ATXN7: variants seen among roughly 807,000 people sequenced by gnomAD.
ATXN7 encodes ataxin-7.
A neutral mutation model predicts 70.5 loss-of-function variants in ATXN7; 12 were observed. The ratio of observed to expected loss-of-function variants is 0.17; its 90% CI spans 0.11 to 0.28. The LOEUF (loss-of-function observed/expected upper bound fraction) is 0.28, where lower values mean the gene tolerates loss of function less well. Among genes scored for constraint, ATXN7 ranks in the 10% least tolerant of loss-of-function variants. ATXN7 has a pLI of 1.00. For synonymous variants in ATXN7, 498 were observed against 448.7 expected, an observed-to-expected ratio of 1.11 and a Z score of -1.39; for missense variants, 1,256 against 1,131.7, an observed-to-expected ratio of 1.11 and a Z score of -1.58.
intron 5 of ATXN7, among the ~76,000 whole-genome samples, chr3:63,970,645 C>G (rs945559821): frequency 6.6e-6 from 1 of 152,100 alleles, no homozygotes; most frequent in African/African-American, 2.4e-5. Flanking sequence ...AAGAACAGTC[C>G]TTTTGGGAAG....
intron 5 of ATXN7, among the ~76,000 whole-genome samples, chr3:63,956,290 G>A (rs2075037087): frequency 6.6e-6 from 1 of 152,062 alleles, no homozygotes; most frequent in Non-Finnish European, 1.5e-5. Flanking sequence ...AATAAGCCAG[G>A]CGTGGTGGCG....
chr3:63,899,522 A>G (rs933599423), intron 2 of ATXN7, among the ~76,000 whole-genome samples: 2 of 150,970 alleles, frequency 1.3e-5, no homozygotes, highest in African/African-American at 2.4e-5. Flanking sequence ...CTGTAATCCC[A>G]GTACTTTGGG....
At chr3:63,913,312 A>T in intron 4 of ATXN7, 87 bp downstream of exon 4, 2 of 1,346,008 alleles carry the variant, frequency 1.5e-6, no homozygotes, top group Non-Finnish European at 1.0e-6. Flanking sequence ...TCAGCCCACC[A>T]TACCGACTCC....
At chr3:63,931,927 A>G (rs1178918335) in intron 4 of ATXN7, among the ~76,000 whole-genome samples, 1 of 152,212 alleles carries the variant, frequency 6.6e-6, no homozygotes, top group Non-Finnish European at 1.5e-5. Context: ...AGGGATTCTC[A>G]AACTGGGGTT....
intron 4 of ATXN7, among the ~76,000 whole-genome samples, chr3:63,930,532 AT>A (rs60958975): frequency 0.38 from 54,530 of 143,926 alleles, 11,308 homozygotes; most frequent in African/African-American, 0.6. Context: ...AGAGTTTACA[AT>A]TTTTTTTTTT....
chr3:63,928,853 G>A (rs1241058102), intron 4 of ATXN7, among the ~76,000 whole-genome samples: 1 of 152,194 alleles, frequency 6.6e-6, no homozygotes, highest in East Asian at 1.9e-4. Context: ...ACTCCAGAGA[G>A]CAGTTTAAAA....
intron 11 of ATXN7, among the ~76,000 whole-genome samples, chr3:63,994,527 G>A (rs1264191049): frequency 6.6e-6 from 1 of 152,202 alleles, no homozygotes; most frequent in South Asian, 2.1e-4. Context: ...GAGCCACTGC[G>A]CCTGGCCGAA....
intron 1 of ATXN7, among the ~76,000 whole-genome samples, chr3:63,883,498 C>T (rs1042945954): frequency 5.9e-5 from 9 of 151,890 alleles, no homozygotes; most frequent in African/African-American, 2.2e-4. Flanking sequence ...CAAGAAGCTC[C>T]AGGCTCTGTG....
chr3:63,892,271 G>C (rs1703291233), intron 1 of ATXN7, among the ~76,000 whole-genome samples: 1 of 151,914 alleles, frequency 6.6e-6, no homozygotes, highest in Admixed American at 6.6e-5. Flanking sequence ...GTAACCCCAG[G>C]CCAGTCATAG....
intron 4 of ATXN7, among the ~76,000 whole-genome samples, chr3:63,940,086 T>C (rs781540771): frequency 7.2e-5 from 11 of 152,200 alleles, no homozygotes; most frequent in South Asian, 2.1e-4. Flanking sequence ...GAGATGTCAG[T>C]TGGGGGCTTC....
intron 5 of ATXN7, among the ~76,000 whole-genome samples, chr3:63,963,130 G>C (rs2075160003): frequency 6.6e-6 from 1 of 151,872 alleles, no homozygotes; most frequent in Non-Finnish European, 1.5e-5. Flanking sequence ...TGCCCAGGCT[G>C]GTCTCAAACT....
At chr3:63,870,102 A>T (rs148806622) in intron 1 of ATXN7, among the ~76,000 whole-genome samples, 34 of 152,344 alleles carry the variant, frequency 2.2e-4, no homozygotes, top group African/African-American at 8.2e-4. Context: ...CCAGGTCTCT[A>T]CACCTACTCA....
At chr3:63,997,950 T>A in intron 12 of ATXN7, 1 of 985,388 alleles carries the variant, frequency 1.0e-6, no homozygotes, top group South Asian at 4.7e-5. Context: ...CCTGGACAAA[T>A]GAGAAGTGTG....
intron 4 of ATXN7, among the ~76,000 whole-genome samples, chr3:63,915,212 G>A (rs975243907): frequency 6.6e-6 from 1 of 152,158 alleles, no homozygotes; most frequent in African/African-American, 2.4e-5. Flanking sequence ...TGGGATTACA[G>A]GTGTGAGCCA....
chr3:63,977,005 G>T (rs1271313616), intron 5 of ATXN7, among the ~76,000 whole-genome samples: 1 of 152,222 alleles, frequency 6.6e-6, no homozygotes, highest in Non-Finnish European at 1.5e-5. Flanking sequence ...GTGAAGTCAT[G>T]GAAGGAGGTT....
intron 4 of ATXN7, among the ~76,000 whole-genome samples, chr3:63,949,798 A>G (rs1413562401): frequency 1.3e-5 from 2 of 152,156 alleles, no homozygotes; most frequent in Non-Finnish European, 2.9e-5. Flanking sequence ...AGAGAGATTC[A>G]GTGTGCTCAT....
At chr3:63,934,298 A>G (rs1180216077) in intron 4 of ATXN7, among the ~76,000 whole-genome samples, 2 of 152,084 alleles carry the variant, frequency 1.3e-5, no homozygotes, top group African/African-American at 4.8e-5. Context: ...CAGTGTCCTG[A>G]TGATTTGCCG....
In ATXN7 at chr3:64,001,422, C is replaced by T. The variant is rs762706967; in HGVS notation, c.*1955C>T. 9.2e-5 allele frequency: 14 copies of T among 152,080 alleles called. No homozygotes were observed. The highest frequency in any genetic ancestry group is 6.5e-5 in the Admixed American group (1 of 15,270). The allele number at this position is 152,080 out of a possible 1,614,324, so 9.4% of individuals were successfully genotyped here. On this transcript the variant is annotated 3_prime_UTR_variant, in exon 13 of 13. Coordinates refer to ENST00000674280, the MANE Select transcript of ATXN7 (RefSeq NM_001377405.1). The stretch of plus-strand genomic sequence containing the variant: ...AGAGGTGAGAGGGAATCAGAACGTA[C>T]CTAGTTGATTCCTTGGTGACAAGTG...
chr3:63,866,419 T>TTTTTTA (rs1481156839), intron 1 of ATXN7, among the ~76,000 whole-genome samples: 1 of 151,812 alleles, frequency 6.6e-6, no homozygotes. Flanking sequence ...CCTGGCTAAG[T>TTTTTTA]TTTTTATTTT....
Sources: allele counts gnomAD v4.1 joint callset (sites outside exome capture counted in the v4.1 genomes callset), GRCh38; gene constraint gnomAD v4.1.1; transcripts MANE v1.5; gene names NCBI Gene and HGNC (gene_info 2026-07-23, HGNC 2026-07-21).